Variants in PDZRN4 observed in about 807,000 individuals in gnomAD.
PDZRN4 encodes PDZ domain-containing RING finger protein 4.
A neutral mutation model predicts 99.0 loss-of-function variants in PDZRN4; 70 were observed. The ratio of observed to expected loss-of-function variants is 0.71; its 90% CI spans 0.58 to 0.86. PDZRN4 has a LOEUF of 0.86. PDZRN4 is among the 40% of genes least tolerant of loss of function. PDZRN4 has a pLI of 0.00. For missense variants in PDZRN4, 1,474 were observed against 1,331.2 expected, an observed-to-expected ratio of 1.11 and a Z score of -1.67; for synonymous variants, 551 against 501.6, an observed-to-expected ratio of 1.10 and a Z score of -1.32.
chr12:41,572,792 A>G lies in PDZRN4; in HGVS notation c.2013A>G (p.Glu671=). 1.9e-6 allele frequency: 3 copies of G among 1,614,168 alleles called. No individual in the cohort carries two copies. The highest frequency in any genetic ancestry group is 2.5e-6 in the Non-Finnish European group (3 of 1,180,006). Residue 671 remains glutamate (E), a synonymous_variant, in exon 10 of 10, where the codon GAA becomes GAG. Transcript: ENST00000402685. ...GVEHELQLLN[E]ELRNIELECQ... is the part of the protein sequence containing the mutation. ...AGCATGAGCTACAGTTGCTTAATGA[A>G]GAACTGAGAAACATTGAGCTTGAGT...
chr12:41,385,270 C>T (rs1256195201), intron 3 of PDZRN4, among the ~76,000 whole-genome samples: 1 of 152,028 alleles, frequency 6.6e-6, no homozygotes, highest in East Asian at 1.9e-4. Flanking sequence ...AACACTTGAG[C>T]CAAAGAATGA....
intron 3 of PDZRN4, among the ~76,000 whole-genome samples, chr12:41,415,338 A>G (rs984457682): frequency 6.7e-6 from 1 of 148,880 alleles, no homozygotes; most frequent in African/African-American, 2.4e-5. Flanking sequence ...AATATATATT[A>G]CAAATATATG....
chr12:41,228,974 A>G (rs1951012993), intron 3 of PDZRN4, among the ~76,000 whole-genome samples: 1 of 151,966 alleles, frequency 6.6e-6, no homozygotes, highest in Non-Finnish European at 1.5e-5. Flanking sequence ...AGATTCTTAA[A>G]GAATTCTGAA....
chr12:41,229,546 C>T (rs1342412080), intron 3 of PDZRN4, among the ~76,000 whole-genome samples: 1 of 152,068 alleles, frequency 6.6e-6, no homozygotes, highest in East Asian at 1.9e-4. Flanking sequence ...TGACCTTTTC[C>T]TTGTCTTACT....
intron 3 of PDZRN4, among the ~76,000 whole-genome samples, chr12:41,314,026 G>A (rs1951623672): frequency 6.6e-6 from 1 of 152,064 alleles, no homozygotes; most frequent in South Asian, 2.1e-4. Context: ...CAGATACTTT[G>A]AGACCACCTA....
chr12:41,206,003 C>T (rs1950847701), intron 3 of PDZRN4, among the ~76,000 whole-genome samples: 1 of 151,928 alleles, frequency 6.6e-6, no homozygotes, highest in African/African-American at 2.4e-5. Context: ...GATGTCCACT[C>T]ACATTGCTGC....
In PDZRN4 at chr12:41,195,389, T is replaced by C. The variant is rs1360845543; in HGVS notation, c.843+1201T>C. ...TGAATACTTATATAAACTATCAGAATGGAGGCAGATTTTCTATATTAAATT... is the reference window on the plus strand; with the variant it reads ...TGAATACTTATATAAACTATCAGAACGGAGGCAGATTTTCTATATTAAATT... On this transcript the variant is annotated intron_variant, in intron 3 of 9. Transcript: ENST00000402685. Among the ~76,000 whole-genome samples the C allele has an allele frequency of 2.0e-5, 3 of 152,308 alleles. No homozygotes were observed. The East Asian group carries it at 5.8e-4, about 29-fold the overall frequency.
chr12:41,467,112 C>T (rs1337738545), intron 3 of PDZRN4, among the ~76,000 whole-genome samples: 1 of 152,196 alleles, frequency 6.6e-6, no homozygotes, highest in East Asian at 1.9e-4. Flanking sequence ...AAAATAGCTT[C>T]GCTCCTGATG....
chr12:41,379,302 C>T (rs1952105396), intron 3 of PDZRN4, among the ~76,000 whole-genome samples: 1 of 140,134 alleles, frequency 7.1e-6, no homozygotes. Flanking sequence ...TTTTGTTTAG[C>T]TTTTCAGAAA....
chr12:41,261,651 A>G (rs1023428332), intron 3 of PDZRN4, among the ~76,000 whole-genome samples: 7 of 152,032 alleles, frequency 4.6e-5, no homozygotes, highest in African/African-American at 1.7e-4. Flanking sequence ...CACCTCGCCC[A>G]GCTAATATTT....
At chr12:41,364,500 A>G (rs1951984273) in intron 3 of PDZRN4, among the ~76,000 whole-genome samples, 1 of 152,114 alleles carries the variant, frequency 6.6e-6, no homozygotes, top group Non-Finnish European at 1.5e-5. Flanking sequence ...TCAACTAGTA[A>G]GAGTACATAA....
chr12:41,365,279 T>C (rs140650809), intron 3 of PDZRN4, among the ~76,000 whole-genome samples: 6 of 152,232 alleles, frequency 3.9e-5, no homozygotes, highest in African/African-American at 1.2e-4. Context: ...TTCTAGCAAA[T>C]TGTTTTTCTA....
At chr12:41,259,746 C>G (rs535116971) in intron 3 of PDZRN4, among the ~76,000 whole-genome samples, 1 of 152,066 alleles carries the variant, frequency 6.6e-6, no homozygotes, top group Admixed American at 6.5e-5. Context: ...GTAATTAGTT[C>G]ACAAATGAGT....
At chr12:41,405,205 C>A (rs1046460222) in intron 3 of PDZRN4, among the ~76,000 whole-genome samples, 2 of 151,976 alleles carry the variant, frequency 1.3e-5, no homozygotes, top group African/African-American at 2.4e-5. Context: ...AACTATGCAT[C>A]CAACAAAAGT....
At chr12:41,571,376 T>TCTCACA (rs1303597271) in intron 9 of PDZRN4, among the ~76,000 whole-genome samples, 218 of 65,572 alleles carry the variant, frequency 3.3e-3, no homozygotes, top group East Asian at 7.4e-3. Context: ...TCTCTCTCTC[T>TCTCACA]CACACACACA....
intron 3 of PDZRN4, among the ~76,000 whole-genome samples, chr12:41,360,206 A>G (rs1030367908): frequency 3.3e-5 from 5 of 152,034 alleles, no homozygotes; most frequent in Non-Finnish European, 7.4e-5. Context: ...TCATAGAGCT[A>G]TTATGTTCAT....
At chr12:41,462,702 G>A (rs1952883364) in intron 3 of PDZRN4, among the ~76,000 whole-genome samples, 1 of 152,104 alleles carries the variant, frequency 6.6e-6, no homozygotes, top group Admixed American at 6.5e-5. Context: ...GTGAATTTTA[G>A]ATGAGGGGGA....
At chr12:41,439,156 C>T (rs1252264735) in intron 3 of PDZRN4, among the ~76,000 whole-genome samples, 2 of 152,142 alleles carry the variant, frequency 1.3e-5, no homozygotes, top group Non-Finnish European at 1.5e-5. Context: ...TGATCTTCTG[C>T]ATTAATTAAA....
chr12:41,218,999 T>C (rs2120718724), intron 3 of PDZRN4, among the ~76,000 whole-genome samples: 1 of 152,202 alleles, frequency 6.6e-6, no homozygotes, highest in African/African-American at 2.4e-5. Flanking sequence ...TTCCTAGATC[T>C]AGGAATATTA....
Sources: gnomAD v4.1 joint callset for allele counts (sites outside exome capture counted in the v4.1 genomes callset) on GRCh38, gnomAD v4.1.1 for gene constraint, MANE v1.5 for transcripts, NCBI Gene and HGNC (gene_info 2026-07-23, HGNC 2026-07-21) for gene names.